The following PDE4D variants were observed in gnomAD, a reference collection of about 807,000 sequenced individuals.
The protein encoded by PDE4D is phosphodiesterase 4D.
In PDE4D, 24 loss-of-function variants were observed where a neutral mutation model predicts 87.4. The observed-to-expected ratio is 0.27, with a 90% CI of 0.20 to 0.39. The LOEUF is 0.39. PDE4D is among the 10% of genes least tolerant of loss of function. The pLI, the probability that PDE4D is intolerant of heterozygous loss-of-function variation, is 1.00. For missense variants in PDE4D, 714 were observed against 1,041.0 expected, an observed-to-expected ratio of 0.69 and a Z score of 4.32; for synonymous variants, 384 against 383.2, an observed-to-expected ratio of 1.00 and a Z score of -0.02.
chr5:60,300,915 T>C (rs571990115), intron 1 of PDE4D, among the ~76,000 whole-genome samples: 1 of 152,118 alleles, frequency 6.6e-6, no homozygotes, highest in African/African-American at 2.4e-5. Context: ...GGATTACAGG[T>C]GCATGCCACC....
chr5:59,684,985 T>G (rs1749617391), intron 1 of PDE4D, among the ~76,000 whole-genome samples: 1 of 152,226 alleles, frequency 6.6e-6, no homozygotes, highest in Non-Finnish European at 1.5e-5. Flanking sequence ...CAAGGGCATT[T>G]CCTAAAATTC....
chr5:59,447,160 A>G (rs1798475954), intron 1 of PDE4D, among the ~76,000 whole-genome samples: 1 of 152,212 alleles, frequency 6.6e-6, no homozygotes, highest in Non-Finnish European at 1.5e-5. Flanking sequence ...TTTCGAGTTC[A>G]TGAAGCAAAA....
intron 3 of PDE4D, among the ~76,000 whole-genome samples, chr5:59,962,111 G>A (rs1449730196): frequency 6.6e-6 from 1 of 152,008 alleles, no homozygotes; most frequent in Admixed American, 6.6e-5. Context: ...TACAATTATT[G>A]GAGTATGAAG....
chr5:60,344,180 G>T (rs767874592), intron 1 of PDE4D, among the ~76,000 whole-genome samples: 4 of 152,014 alleles, frequency 2.6e-5, no homozygotes, highest in Non-Finnish European at 4.4e-5. Context: ...ATATGAAAAG[G>T]CTCCTATCTA....
At chr5:59,189,253 GT>G (rs5868167) in intron 3 of PDE4D, among the ~76,000 whole-genome samples, 9 of 120,844 alleles carry the variant, frequency 7.4e-5, no homozygotes, top group African/African-American at 2.2e-4. Context: ...TGTTTTTTTT[GT>G]TTTTTTTTTT....
chr5:59,765,572 A>G (rs1399977894), intron 1 of PDE4D, among the ~76,000 whole-genome samples: 1 of 152,174 alleles, frequency 6.6e-6, no homozygotes, highest in Non-Finnish European at 1.5e-5. Flanking sequence ...AGTATAAGTG[A>G]CATGTGCACT....
At chr5:59,412,203 C>T (rs1177971929) in intron 1 of PDE4D, among the ~76,000 whole-genome samples, 1 of 152,154 alleles carries the variant, frequency 6.6e-6, no homozygotes, top group Non-Finnish European at 1.5e-5. Flanking sequence ...TGTACTAATG[C>T]AGTCATCTTT....
intron 2 of PDE4D, among the ~76,000 whole-genome samples, chr5:60,046,890 T>A (rs1158567912): frequency 2.0e-5 from 3 of 152,198 alleles, no homozygotes; most frequent in Non-Finnish European, 4.4e-5. Flanking sequence ...ATCAAATGAG[T>A]TAGGGAGGAT....
At chr5:59,711,206 T>C (rs1163608212) in intron 1 of PDE4D, among the ~76,000 whole-genome samples, 2 of 152,162 alleles carry the variant, frequency 1.3e-5, no homozygotes, top group African/African-American at 4.8e-5. Context: ...ATCACTACAT[T>C]GGGAAAATTT....
intron 1 of PDE4D, among the ~76,000 whole-genome samples, chr5:59,249,431 A>G (rs1482783104): frequency 6.6e-6 from 1 of 152,178 alleles, no homozygotes; most frequent in Non-Finnish European, 1.5e-5. Flanking sequence ...TAAAATAGTC[A>G]TATTCTTTGA....
Position 59,914,234 on chromosome 5 carries a change from A to G in PDE4D, c.272+74254T>C, listed in dbSNP as rs539309357. ...TAGACAATAGACAACAAATTAATAT[A>G]CATATTTTATCAGGTGATAATAAGT... On this transcript the variant is annotated intron_variant, in intron 3 of 16. Transcript: ENST00000502484. Among the ~76,000 whole-genome samples, 14 of 152,318 alleles carry G rather than the reference A, an allele frequency of 9.2e-5. No homozygotes were observed. The South Asian group carries it at 2.3e-3, about 25-fold the overall frequency.
At chr5:59,337,660 G>T (rs939553069) in intron 1 of PDE4D, among the ~76,000 whole-genome samples, 1 of 152,108 alleles carries the variant, frequency 6.6e-6, no homozygotes, top group Non-Finnish European at 1.5e-5. Context: ...CTACCAAGTG[G>T]CAGAATCAGC....
At chr5:60,247,341 C>T (rs188512733) in intron 1 of PDE4D, among the ~76,000 whole-genome samples, 13 of 152,090 alleles carry the variant, frequency 8.5e-5, no homozygotes, top group African/African-American at 2.9e-4. Context: ...TATTTCTAAG[C>T]ATCCGTAGCA....
At chr5:59,916,797 T>C (rs1288973815) in intron 3 of PDE4D, among the ~76,000 whole-genome samples, 1 of 151,914 alleles carries the variant, frequency 6.6e-6, no homozygotes, top group East Asian at 1.9e-4. Flanking sequence ...TCCTTTTTTT[T>C]TTCTTTTTGA....
rs943580089 is a variant in PDE4D at position 60,334,116 on chromosome 5, A to G, written c.-89-148429T>C. On this transcript the variant is annotated intron_variant, in intron 1 of 16. Coordinates refer to the PDE4D transcript ENST00000502484. Reference sequence around the variant, plus strand: ...ATGTCTATGTGTTTTTTCTTTCTCAATCATAATATGATATCAAGGTCTCTC... The same window carrying G: ...ATGTCTATGTGTTTTTTCTTTCTCAGTCATAATATGATATCAAGGTCTCTC... Among the ~76,000 whole-genome samples, 6 of 152,164 alleles carry G rather than the reference A, an allele frequency of 3.9e-5. 1 individual carries two copies. The highest frequency in any genetic ancestry group is 1.4e-4 in the African/African-American group (6 of 41,444).
At chr5:60,100,368 T>G (rs1467632339) in intron 2 of PDE4D, among the ~76,000 whole-genome samples, 1 of 152,018 alleles carries the variant, frequency 6.6e-6, no homozygotes, top group African/African-American at 2.4e-5. Context: ...TTTATAAAGT[T>G]TGACTTTTAA....
At position 60,022,527 on chromosome 5, in the gene PDE4D, C is replaced by T. The variant is rs192824890; in HGVS notation, c.43-33810G>A. ...GGCTCTAACTTTTTTGCTATACTTA[C>T]CTCTTTCTATTACAGACAGGGATAT... On this transcript the variant is annotated intron_variant, in intron 2 of 16. Transcript: ENST00000502484. 23 of 152,168 alleles carry T rather than the reference C, an allele frequency of 1.5e-4. No individual in the cohort carries two copies. The East Asian group carries it at 4.1e-3, about 27-fold the overall frequency. 9.4% of individuals were successfully genotyped at this position (152,168 alleles called of 1,614,324 possible).
At chr5:59,887,865 T>C (rs1477795725) in intron 1 of PDE4D, among the ~76,000 whole-genome samples, 3 of 152,190 alleles carry the variant, frequency 2.0e-5, no homozygotes, top group Non-Finnish European at 4.4e-5. Flanking sequence ...TAAATGTAAT[T>C]TCCAAACTTT....
intron 1 of PDE4D, among the ~76,000 whole-genome samples, chr5:59,763,873 A>G (rs6869978): frequency 0.082 from 12,496 of 152,244 alleles, 1,648 homozygotes; most frequent in African/African-American, 0.28. Flanking sequence ...TGCTCAACAC[A>G]TACTAGCTAG....
Sources: allele counts gnomAD v4.1 joint callset (sites outside exome capture counted in the v4.1 genomes callset), GRCh38; gene constraint gnomAD v4.1.1; transcripts MANE v1.5; gene names NCBI Gene and HGNC (gene_info 2026-07-23, HGNC 2026-07-21).